The following SLC25A25 variants were observed in gnomAD, a reference collection of about 807,000 sequenced individuals.
SLC25A25 encodes solute carrier family 25 member 25.
SLC25A25 carries 32 observed loss-of-function variants against 57.7 expected under a neutral mutation model. That is an observed-to-expected ratio of 0.55 (90% CI 0.42 to 0.74). SLC25A25 has a LOEUF of 0.74. Ranked by LOEUF, SLC25A25 falls within the 30% of genes least tolerant of loss-of-function variation. SLC25A25 has a pLI of 0.00. For synonymous variants in SLC25A25, 306 were observed against 291.2 expected (o/e 1.05, Z -0.52); for missense variants, 556 against 701.3 (o/e 0.79, Z 2.34).
intron 1 of SLC25A25, among the ~76,000 whole-genome samples, chr9:128,086,172 G>GTT (rs34490400): frequency 0.74 from 110,808 of 149,574 alleles, 42,693 homozygotes; most frequent in Non-Finnish European, 0.85. Context: ...TTTTGTTGTT[G>GTT]TTTTTTTTTA....
Position 128,107,652 on chromosome 9 carries a change from G to A in SLC25A25, c.*208G>A, listed in dbSNP as rs940967547. 6.3e-5 allele frequency: 31 copies of A among 489,138 alleles called. No homozygotes were observed. Among genetic ancestry groups the A allele is most frequent in the Non-Finnish European group, 9.0e-5 (26 of 289,824 alleles). The allele number at this position is 489,138 out of a possible 1,614,324, so 30.3% of individuals were successfully genotyped here. On this transcript the variant is annotated 3_prime_UTR_variant, in exon 11 of 11. Transcript: ENST00000373069. Reference sequence around the variant, plus strand: ...AGCAGACCCTCCTGTTGGTTCCAGCGAAGACCACAGGCATTCCTTAGGGTC... The same window carrying A: ...AGCAGACCCTCCTGTTGGTTCCAGCAAAGACCACAGGCATTCCTTAGGGTC...
Position 128,103,651 on chromosome 9 carries a change from G to GA in SLC25A25, c.625-29dup. 1 of 1,614,112 alleles carries GA rather than the reference G, an allele frequency of 6.2e-7. No homozygotes were observed. The highest frequency in any genetic ancestry group is 8.5e-7 in the Non-Finnish European group (1 of 1,179,980). On this transcript the variant is annotated intron_variant, in intron 5 of 10. Coordinates refer to ENST00000373069, the MANE Select transcript of SLC25A25 (RefSeq NM_001330988.2). This position sits in a 1 kb window ranked among gnomAD's most constrained non-coding sequence, Gnocchi z 6.7. ...CCAGCAGCCTTGCCCCAAGGGTCCT[G>GA]AGTCAGGCTTGTGCCATCTTTCCTC...
Position 128,103,919 on chromosome 9 carries a change from C to G in SLC25A25, c.783+80C>G, listed in dbSNP as rs1833911235. The G allele has an allele frequency of 2.8e-6, 4 of 1,418,494 alleles. No homozygotes were observed. In the East Asian group the frequency reaches 7.5e-5, roughly 27 times the overall value. The allele number at this position is 1,418,494 out of a possible 1,614,324, so 87.9% of individuals were successfully genotyped here. A position where few individuals can be genotyped will look rare whatever the true frequency, so the allele number is the denominator to read the frequency against. On this transcript the variant is annotated intron_variant, in intron 6 of 10. Coordinates refer to ENST00000373069, the MANE Select transcript of SLC25A25 (RefSeq NM_001330988.2). The surrounding 1 kb of genome is among the most constrained non-coding windows in gnomAD (Gnocchi z 6.7). ...GCTGCTTGGCTAGTTTTCCCTTTCTCTGGCTGGTGCCTGCTTTGGGCCCAA... is the reference window on the plus strand; with the variant it reads ...GCTGCTTGGCTAGTTTTCCCTTTCTGTGGCTGGTGCCTGCTTTGGGCCCAA...
At chr9:128,071,772 G>A (rs1276329647) in intron 1 of SLC25A25, among the ~76,000 whole-genome samples, 3 of 151,052 alleles carry the variant, frequency 2.0e-5, no homozygotes, top group African/African-American at 4.9e-5. Context: ...GCTGGAGTGC[G>A]ATGGTGTGAT....
Position 128,101,157 on chromosome 9 carries a change from A to G in SLC25A25, c.323A>G (p.His108Arg), listed in dbSNP as rs148566637. The change falls in exon 2 of 11, where the codon CAT becomes CGT. Residue 108 changes from histidine to arginine, a missense_variant. His to Arg is a conservative substitution (Grantham distance 29). Coordinates refer to ENST00000373069, the MANE Select transcript of SLC25A25 (RefSeq NM_001330988.2). This position sits in a 1 kb window ranked among gnomAD's most constrained non-coding sequence, Gnocchi z 4.9. ...DGQLDFEEFV[H>R]YLQDHEKKLR... The stretch of plus-strand genomic sequence containing the variant: ...CAGCTAGACTTTGAAGAATTTGTCC[A>G]TTATCTCCAAGATCATGAGAAGAAG... 21 of 1,614,152 alleles carry G rather than the reference A, an allele frequency of 1.3e-5. No individual in the cohort carries two copies. The highest frequency in any genetic ancestry group is 1.7e-5 in the Non-Finnish European group (20 of 1,180,054).
chr9:128,083,253 G>C (rs1451240073), intron 1 of SLC25A25, among the ~76,000 whole-genome samples: 7 of 56,474 alleles, frequency 1.2e-4, no homozygotes, highest in South Asian at 5.6e-4. Flanking sequence ...ATAAATAAAA[G>C]TGTTTTTTTT....
At chr9:128,089,866 C>T (rs1321652157) in intron 1 of SLC25A25, among the ~76,000 whole-genome samples, 1 of 151,982 alleles carries the variant, frequency 6.6e-6, no homozygotes, top group Non-Finnish European at 1.5e-5. Context: ...GACTCGTCGG[C>T]TCAGGCAGTT....
intron 9 of SLC25A25, 135 bp downstream of exon 9, chr9:128,106,655 C>T (rs2130829297): frequency 1.7e-6 from 2 of 1,157,882 alleles, no homozygotes; most frequent in Non-Finnish European, 1.2e-6. Flanking sequence ...CTTCTGTTTA[C>T]TGCAGCTTTC....
chr9:128,105,227 G>C (rs978855045), intron 6 of SLC25A25, among the ~76,000 whole-genome samples: 3 of 147,436 alleles, frequency 2.0e-5, no homozygotes, highest in African/African-American at 7.6e-5. Flanking sequence ...CTGGAGTACA[G>C]GGGCGCGATC....
rs766359255 is a variant in SLC25A25, at chr9:128,105,754, T to G, written c.809T>G (p.Met270Arg). ...MQVHASRSNNMGIVGGFTQMI... is the reference protein window; with the variant it reads ...MQVHASRSNNRGIVGGFTQMI... ...GTCCATGCCTCCCGCAGCAACAACA[T>G]GGGCATCGTTGGTGGCTTCACTCAG... is the stretch of plus-strand genomic sequence containing the variant. The change falls in exon 7 of 11, where the codon ATG becomes AGG. Residue 270 changes from methionine (M) to arginine (R), a missense_variant. Met to Arg is a moderately conservative substitution (Grantham distance 91). Coordinates refer to ENST00000373069, the MANE Select transcript of SLC25A25 (RefSeq NM_001330988.2). The G allele has an allele frequency of 1.2e-6, 2 of 1,613,646 alleles. No individual in the cohort carries two copies. Among genetic ancestry groups the G allele is most frequent in the Non-Finnish European group, 8.5e-7 (1 of 1,180,034 alleles).
intron 1 of SLC25A25, among the ~76,000 whole-genome samples, chr9:128,086,690 G>C (rs1833283569): frequency 6.6e-6 from 1 of 151,258 alleles, no homozygotes; most frequent in Non-Finnish European, 1.5e-5. Context: ...TTCCCAGGCT[G>C]GTCTGAAACT....
rs1425894159 is a variant in SLC25A25, at chr9:128,074,843, A to G, written c.261+6263A>G. On this transcript the variant is annotated intron_variant, in intron 1 of 10. Coordinates refer to ENST00000373069, the MANE Select transcript of SLC25A25 (RefSeq NM_001330988.2). ...TGGTGAAACCCTGTCTCTACAAAAA[A>G]TACAAAAATTGGCTGGGCACAGTGG... 2.6e-5 allele frequency among the ~76,000 whole-genome samples: 4 copies of G among 152,184 alleles called. No homozygotes were observed. The East Asian group carries it at 7.7e-4, about 29-fold the overall frequency.
chr9:128,081,186 C>A (rs916263895), intron 1 of SLC25A25, among the ~76,000 whole-genome samples: 1 of 152,170 alleles, frequency 6.6e-6, no homozygotes. Flanking sequence ...CCACCCTGAA[C>A]AGCTGTGCTG....
At chr9:128,106,952 G>T in intron 9 of SLC25A25, 77 bp from the exon 10 acceptor site, 1 of 1,535,544 alleles carries the variant, frequency 6.5e-7, no homozygotes, top group South Asian at 1.2e-5. Flanking sequence ...GTGGCCTGAG[G>T]ACCCAGTAAC....
chr9:128,090,785 C>T (rs950038689), intron 1 of SLC25A25, among the ~76,000 whole-genome samples: 1 of 152,180 alleles, frequency 6.6e-6, no homozygotes, highest in Non-Finnish European at 1.5e-5. Flanking sequence ...GCGCTCCAGC[C>T]TGGATGACAG....
chr9:128,068,720 C>T, intron 1 of SLC25A25, 140 bp downstream of exon 1: 4 of 967,888 alleles, frequency 4.1e-6, no homozygotes, highest in South Asian at 2.9e-5. Flanking sequence ...CTGAGGGACA[C>T]CCCACTTATG....
Position 128,101,367 on chromosome 9 carries a change from T to C in SLC25A25, c.447T>C (p.Ser149=), listed in dbSNP as rs752441598. Reference sequence around the variant, plus strand: ...TGCGGGACTTGGGAGTCAAGATATCTGAACAGCAGGCAGAAAAAATTCTCA... The same window carrying C: ...TGCGGGACTTGGGAGTCAAGATATCCGAACAGCAGGCAGAAAAAATTCTCA... ...QSLRDLGVKI[S]EQQAEKILKR... The change falls in exon 3 of 11, where the codon TCT becomes TCC. Residue 149 remains serine (S), a synonymous_variant. Coordinates refer to ENST00000373069, the MANE Select transcript of SLC25A25 (RefSeq NM_001330988.2). This position sits in a 1 kb window ranked among gnomAD's most constrained non-coding sequence, Gnocchi z 4.9. The C allele has an allele frequency of 1.2e-6, 2 of 1,614,138 alleles. No individual in the cohort carries two copies. Among genetic ancestry groups the C allele is most frequent in the Admixed American group, 1.7e-5 (1 of 60,012 alleles).
chr9:128,073,962 G>A (rs2130783176), intron 1 of SLC25A25, among the ~76,000 whole-genome samples: 1 of 152,084 alleles, frequency 6.6e-6, no homozygotes, highest in East Asian at 1.9e-4. Flanking sequence ...TCCAACTCCT[G>A]GCCTCAAGTG....
intron 6 of SLC25A25, among the ~76,000 whole-genome samples, chr9:128,104,335 C>T (rs1833929255): frequency 6.6e-6 from 1 of 152,234 alleles, no homozygotes; most frequent in Non-Finnish European, 1.5e-5. Flanking sequence ...TGACTGGCCA[C>T]CACTTGTCCC....
Sources: allele counts gnomAD v4.1 joint callset (sites outside exome capture counted in the v4.1 genomes callset), GRCh38; gene constraint gnomAD v4.1.1; non-coding constraint Gnocchi (gnomAD v3.1); transcripts MANE v1.5; gene names NCBI Gene and HGNC (gene_info 2026-07-23, HGNC 2026-07-21).